XKR6: variants seen among roughly 807,000 people sequenced by gnomAD.
XKR6 encodes XK related 6, also known as XK-related protein 6.
In XKR6, 22 loss-of-function variants were observed where a neutral mutation model predicts 56.7. That is an observed-to-expected ratio of 0.39 (90% CI 0.28 to 0.55). XKR6 has a LOEUF of 0.55. XKR6 is among the 20% of genes least tolerant of loss of function. XKR6 has a pLI of 0.66. For synonymous variants in XKR6, 524 were observed against 387.8 expected (o/e 1.35, Z -4.13); for missense variants, 852 against 889.0 (o/e 0.96, Z 0.53).
chr8:11,134,923 A>G lies in XKR6; in HGVS notation c.764+65653T>C, dbSNP rs76411136. On this transcript the variant is annotated intron_variant, in intron 1 of 2. Coordinates refer to ENST00000416569, the MANE Select transcript of XKR6 (RefSeq NM_173683.4). ...GTCATAGGATGACATTTAATAATAC[A>G]GAAAGATATTTCCATTATACTCTGC... 1.5e-3 allele frequency among the ~76,000 whole-genome samples: 227 copies of G among 152,260 alleles called. 4 individuals carry two copies. The South Asian group carries it at 0.02, about 13-fold the overall frequency.
At chr8:11,050,311 T>C (rs6601552) in intron 1 of XKR6, among the ~76,000 whole-genome samples, 118,027 of 151,942 alleles carry the variant, frequency 0.78, 46,172 homozygotes, top group African/African-American at 0.87. Context: ...ATCGTGGCAT[T>C]CACATTAAGT....
intron 1 of XKR6, among the ~76,000 whole-genome samples, chr8:11,094,234 T>C (rs1386881873): frequency 6.6e-6 from 1 of 152,046 alleles, no homozygotes; most frequent in Non-Finnish European, 1.5e-5. Flanking sequence ...GCACATGATA[T>C]ATACATATAT....
rs1459887343 is a variant in XKR6, at chr8:11,183,012, C to T, written c.764+17564G>A. On this transcript the variant is annotated intron_variant, in intron 1 of 2. Transcript: ENST00000416569. Reference sequence around the variant, plus strand: ...CTTATTTCACTTTGCAGAATGTCCTCCAGGTTCATCCATGTTGCAGCATGT... The same window carrying T: ...CTTATTTCACTTTGCAGAATGTCCTTCAGGTTCATCCATGTTGCAGCATGT... 2.0e-5 allele frequency among the ~76,000 whole-genome samples: 3 copies of T among 152,154 alleles called. No individual in the cohort carries two copies. The South Asian group carries it at 6.2e-4, about 32-fold the overall frequency.
chr8:10,979,009 G>T (rs1797663986), intron 1 of XKR6, among the ~76,000 whole-genome samples: 1 of 152,076 alleles, frequency 6.6e-6, no homozygotes, highest in Non-Finnish European at 1.5e-5. Context: ...TCCACCCCCT[G>T]CCTGGAATGC....
At chr8:11,087,298 C>A (rs971302310) in intron 1 of XKR6, among the ~76,000 whole-genome samples, 2 of 152,320 alleles carry the variant, frequency 1.3e-5, no homozygotes, top group Non-Finnish European at 2.9e-5. Flanking sequence ...TCCACATGCT[C>A]GTCTCCCTTT....
intron 1 of XKR6, among the ~76,000 whole-genome samples, chr8:10,977,542 C>A (rs1486729440): frequency 6.6e-6 from 1 of 150,644 alleles, no homozygotes; most frequent in Non-Finnish European, 1.5e-5. Flanking sequence ...CAGAACTATC[C>A]AAGCCCCAGC....
chr8:11,154,305 C>T (rs1167845462), intron 1 of XKR6, among the ~76,000 whole-genome samples: 1 of 152,218 alleles, frequency 6.6e-6, no homozygotes, highest in African/African-American at 2.4e-5. Context: ...AATAAAAACT[C>T]TAGACACCAA....
chr8:11,098,235 A>C (rs1187949817), intron 1 of XKR6, among the ~76,000 whole-genome samples: 1 of 151,922 alleles, frequency 6.6e-6, no homozygotes, highest in East Asian at 1.9e-4. Flanking sequence ...GCACTCACAC[A>C]CGCACAACAC....
chr8:11,137,861 A>G, intron 1 of XKR6: 2 of 364,206 alleles, frequency 5.5e-6, no homozygotes, highest in Non-Finnish European at 1.1e-5. Flanking sequence ...AATAATGGAA[A>G]AAGACTGATA....
rs372940329 is a variant in XKR6, at chr8:11,087,763, C to A, written c.764+112813G>T. Among the ~76,000 whole-genome samples, 9 of 152,214 alleles carry A rather than the reference C, an allele frequency of 5.9e-5. No homozygotes were observed. The East Asian group carries it at 1.7e-3, about 29-fold the overall frequency. On this transcript the variant is annotated intron_variant, in intron 1 of 2. Transcript: ENST00000416569. ...CTTCCTGGGGAGAGCCCAACCCATT[C>A]TTCAGTTTGTGAACATCTGATCTCA... is the stretch of plus-strand genomic sequence containing the variant.
At chr8:11,070,030 T>C (rs1007833574) in intron 1 of XKR6, among the ~76,000 whole-genome samples, 11 of 152,206 alleles carry the variant, frequency 7.2e-5, no homozygotes, top group Non-Finnish European at 1.5e-5. Flanking sequence ...TCTTCTGAAG[T>C]TGAGCCATGA....
At chr8:10,924,505 G>A (rs980820168) in intron 2 of XKR6, 129 bp downstream of exon 2, 63 of 1,132,762 alleles carry the variant, frequency 5.6e-5, no homozygotes, top group African/African-American at 3.4e-4. Context: ...GGGGCCGGGC[G>A]TCCTGGGGAC....
intron 1 of XKR6, among the ~76,000 whole-genome samples, chr8:11,169,320 C>G (rs1802246053): frequency 6.6e-6 from 1 of 152,192 alleles, no homozygotes; most frequent in African/African-American, 2.4e-5. Flanking sequence ...TGCTACCTCA[C>G]AATGAGAGAC....
rs563759050 is a variant in XKR6 at position 10,915,366 on chromosome 8, G to C, written c.961+9268C>G. On this transcript the variant is annotated intron_variant, in intron 2 of 2. Transcript: ENST00000416569. ...GTCAGAGCCCCCATGAAGCTACCTC[G>C]CTCACTTTCACTGGCTGAGGAAGCC... Among the ~76,000 whole-genome samples the C allele has an allele frequency of 9.2e-5, 14 of 152,216 alleles. No individual in the cohort carries two copies. In the South Asian group the frequency reaches 2.7e-3, roughly 29 times the overall value.
chr8:10,924,248 C>G (rs529676724), intron 2 of XKR6, among the ~76,000 whole-genome samples: 5 of 152,380 alleles, frequency 3.3e-5, no homozygotes, highest in African/African-American at 4.8e-5. Flanking sequence ...ATGACGGCCC[C>G]TTGTGGTCCC....
chr8:10,962,821 C>T (rs1364360084), intron 1 of XKR6, among the ~76,000 whole-genome samples: 1 of 152,086 alleles, frequency 6.6e-6, no homozygotes, highest in Non-Finnish European at 1.5e-5. Context: ...TGGGGTCTCA[C>T]CATATTGGTC....
intron 1 of XKR6, among the ~76,000 whole-genome samples, chr8:11,005,345 A>G (rs1025430644): frequency 6.6e-6 from 1 of 151,582 alleles, no homozygotes; most frequent in Non-Finnish European, 1.5e-5. Flanking sequence ...ATCTTGGATA[A>G]GAAGTGACTG....
chr8:11,012,108 G>A (rs1798513527), intron 1 of XKR6, among the ~76,000 whole-genome samples: 1 of 152,212 alleles, frequency 6.6e-6, no homozygotes, highest in Admixed American at 6.5e-5. Context: ...CATCTAAGCA[G>A]ATGGAGGAGT....
chr8:10,980,196 G>A (rs183047321), intron 1 of XKR6, among the ~76,000 whole-genome samples: 12 of 152,308 alleles, frequency 7.9e-5, no homozygotes, highest in Admixed American at 6.5e-4. Flanking sequence ...CCCACTGAGA[G>A]GGGCCTTCCA....
Sources: allele counts gnomAD v4.1 joint callset (sites outside exome capture counted in the v4.1 genomes callset), GRCh38; gene constraint gnomAD v4.1.1; transcripts MANE v1.5; gene names NCBI Gene and HGNC (gene_info 2026-07-23, HGNC 2026-07-21).